TRAF3IP2: variants seen among roughly 807,000 people sequenced by gnomAD.
TRAF3IP2 encodes the protein E3 ubiquitin ligase TRAF3IP2.
In TRAF3IP2, 35 loss-of-function variants were observed where a neutral mutation model predicts 57.9. The observed-to-expected ratio is 0.60, with a 90% CI of 0.46 to 0.80. TRAF3IP2 has a LOEUF of 0.80. Among genes scored for constraint, TRAF3IP2 ranks in the 30% least tolerant of loss-of-function variants. TRAF3IP2 has a pLI of 0.00. For missense variants in TRAF3IP2, 556 were observed against 706.4 expected (o/e 0.79, Z 2.41); for synonymous variants, 251 against 268.9 (o/e 0.93, Z 0.65).
At chr6:111,562,826 C>T (rs1795495529) in intron 8 of TRAF3IP2, 139 bp downstream of exon 8, 1 of 648,272 alleles carries the variant, frequency 1.5e-6, no homozygotes, top group African/African-American at 1.9e-5. Context: ...GGCTGGGCAA[C>T]ACAGCGAGAC....
chr6:111,574,080 T>C (rs569553774), intron 4 of TRAF3IP2: 1 of 152,366 alleles, frequency 6.6e-6, no homozygotes, highest in Middle Eastern at 3.4e-3. Flanking sequence ...GATCTATAGA[T>C]TGATATCAGG....
At chr6:111,584,514 G>C (rs950265939) in intron 2 of TRAF3IP2, among the ~76,000 whole-genome samples, 1 of 152,014 alleles carries the variant, frequency 6.6e-6, no homozygotes, top group African/African-American at 2.4e-5. Context: ...TATGGAAAAG[G>C]TTCCTAAATA....
intron 3 of TRAF3IP2, among the ~76,000 whole-genome samples, chr6:111,577,774 C>T (rs1165058412): frequency 6.6e-6 from 1 of 152,034 alleles, no homozygotes; most frequent in Non-Finnish European, 1.5e-5. Context: ...TGCAGTGGCA[C>T]AATCACGGCT....
At chr6:111,567,752 C>T in intron 5 of TRAF3IP2, 60 bp from the exon 6 acceptor site, 1 of 1,374,748 alleles carries the variant, frequency 7.3e-7, no homozygotes, top group Non-Finnish European at 1.0e-6. Flanking sequence ...AGATGCAGAG[C>T]AGAAGAAAAC....
At chr6:111,563,114 G>T in intron 7 of TRAF3IP2, 75 bp from the exon 8 acceptor site, 1 of 1,076,444 alleles carries the variant, frequency 9.3e-7, no homozygotes, top group Non-Finnish European at 1.4e-6. Context: ...AATCATGCAC[G>T]TCCACATGGC....
chr6:111,602,305 G>T (rs1048961449), intron 1 of TRAF3IP2: 1 of 142,924 alleles, frequency 7.0e-6, no homozygotes, highest in South Asian at 2.2e-4. Flanking sequence ...ACCAGCCCAT[G>T]TTTTTTTTTT....
chr6:111,591,837 G>A lies in TRAF3IP2; in HGVS notation c.250C>T (p.Arg84Cys), dbSNP rs376682410. The A allele has an allele frequency of 1.9e-5, 31 of 1,614,232 alleles. No homozygotes were observed. The highest frequency in any genetic ancestry group is 1.6e-4 in the Middle Eastern group (1 of 6,062). Residue 84 changes from arginine to cysteine, a missense_variant, in exon 2 of 9, where the codon CGC becomes TGC. By Grantham distance (180) the Arg-to-Cys change is radical (BLOSUM62 -3). This residue lies in a region of TRAF3IP2 where 428 missense variants were observed against 498.7 expected (regional missense o/e 0.86). Transcript: ENST00000368761. This position sits in a 1 kb window ranked among gnomAD's most constrained non-coding sequence, Gnocchi z 4.9. Reference sequence around the variant, plus strand: ...TCACTGTCCTCCAGAACTTGAGTGCGCAGGCAGGTGACCTGCCGGGATACA... The same window carrying A: ...TCACTGTCCTCCAGAACTTGAGTGCACAGGCAGGTGACCTGCCGGGATACA... ...RPVSRQVTCL[R>C]TQVLEDSEDS... is the part of the protein sequence containing the mutation.
At chr6:111,601,282 C>T in intron 1 of TRAF3IP2, 1 of 736,566 alleles carries the variant, frequency 1.4e-6, no homozygotes. Context: ...TTCCTTCACG[C>T]CATCACAAGA....
At chr6:111,596,696 C>A (rs1025048168) in intron 1 of TRAF3IP2, among the ~76,000 whole-genome samples, 1 of 152,168 alleles carries the variant, frequency 6.6e-6, no homozygotes, top group South Asian at 2.1e-4. Context: ...TCAGGTGATC[C>A]GCCCGCTTCG....
chr6:111,566,486 G>C lies in TRAF3IP2; in HGVS notation c.1434C>G (p.Asp478Glu), dbSNP rs144166946. 1 of 1,614,138 alleles carries C rather than the reference G, an allele frequency of 6.2e-7. No individual in the cohort carries two copies. The highest frequency in any genetic ancestry group is 8.5e-7 in the Non-Finnish European group (1 of 1,180,016). Residue 478 changes from aspartate to glutamate, a missense_variant, in exon 7 of 9, where the codon GAC becomes GAG. Physicochemically the swap from Asp to Glu is conservative, Grantham distance 45 (BLOSUM62 2). Coordinates refer to ENST00000368761, the MANE Select transcript of TRAF3IP2 (RefSeq NM_147686.4). ...QDVEGAESQL[D>E]EDEHGLHTKY... ...TAGTATGTAAGCCATGCTCATCCTC[G>C]TCCAGCTGCGACTCAGCGCCTTCCA... is the stretch of plus-strand genomic sequence containing the variant.
intron 8 of TRAF3IP2, among the ~76,000 whole-genome samples, chr6:111,561,375 G>A (rs964805425): frequency 1.9e-4 from 29 of 151,524 alleles, no homozygotes; most frequent in African/African-American, 6.6e-4. Context: ...TGGAGGCAGA[G>A]GTTGCAGTGA....
chr6:111,587,154 C>A (rs918813168), intron 2 of TRAF3IP2: 9 of 152,150 alleles, frequency 5.9e-5, no homozygotes, highest in Non-Finnish European at 1.0e-4. Context: ...GCGAGCTTGC[C>A]TTCTATATGT....
Position 111,557,016 on chromosome 6 carries a change from A to G in TRAF3IP2, c.*2389T>C, listed in dbSNP as rs1279713667. The G allele has an allele frequency of 6.6e-6, 1 of 152,188 alleles. No individual in the cohort carries two copies. Among genetic ancestry groups the G allele is most frequent in the African/African-American group, 2.4e-5 (1 of 41,448 alleles). The allele number at this position is 152,188 out of a possible 1,614,324, so 9.4% of individuals were successfully genotyped here. On this transcript the variant is annotated 3_prime_UTR_variant, in exon 9 of 9. Transcript: ENST00000368761. The stretch of plus-strand genomic sequence containing the variant: ...TTGGTGCACACCTATAGTCCCTGCT[A>G]CTTGGGAGGCTGAAGTGTAAGGGTC...
chr6:111,595,976 C>A (rs887009972), intron 1 of TRAF3IP2, among the ~76,000 whole-genome samples: 5 of 152,140 alleles, frequency 3.3e-5, no homozygotes, highest in Admixed American at 6.5e-5. Flanking sequence ...GACCGGCGTC[C>A]CAGGGCCTTC....
At chr6:111,590,183 A>G (rs899965334) in intron 2 of TRAF3IP2, among the ~76,000 whole-genome samples, 5 of 152,362 alleles carry the variant, frequency 3.3e-5, no homozygotes, top group Non-Finnish European at 7.3e-5. Context: ...TTTCGGAAGT[A>G]GTTTATTGAG....
intron 1 of TRAF3IP2, among the ~76,000 whole-genome samples, chr6:111,603,112 A>AC (rs1562440348): frequency 2.0e-5 from 3 of 146,362 alleles, no homozygotes; most frequent in African/African-American, 7.6e-5. Context: ...ACACACACAC[A>AC]AGGCGTGCAC....
At chr6:111,559,627 A>T (rs1427786018) in intron 8 of TRAF3IP2, 76 bp from the exon 9 acceptor site, 1 of 1,540,598 alleles carries the variant, frequency 6.5e-7, no homozygotes, top group African/African-American at 1.4e-5. Context: ...TCAGTTCCCA[A>T]ACATTTCTGG....
rs112518943 is a variant in TRAF3IP2 at position 111,604,225 on chromosome 6, A to AT, written c.-9+1550dup. On this transcript the variant is annotated intron_variant, in intron 1 of 8. Transcript: ENST00000368761. ...TAATTGCCAAAAAGAAACAATGACA[A>AT]TTTTTTTTTAAGTCACGGTCTGGAA... 8.3e-3 allele frequency among the ~76,000 whole-genome samples: 1,256 copies of AT among 151,900 alleles called. 6 individuals are homozygous for AT. Among genetic ancestry groups the AT allele is most frequent in the African/African-American group, 0.018 (749 of 41,436 alleles).
In TRAF3IP2 at chr6:111,557,619, A is replaced by C. The variant is rs1430978436; in HGVS notation, c.*1786T>G. The C allele has an allele frequency of 6.6e-6, 1 of 151,398 alleles. No individual in the cohort carries two copies. Among genetic ancestry groups the C allele is most frequent in the Non-Finnish European group, 1.5e-5 (1 of 67,900 alleles). 9.4% of individuals were successfully genotyped at this position (151,398 alleles called of 1,614,324 possible). On this transcript the variant is annotated 3_prime_UTR_variant, in exon 9 of 9. Coordinates refer to ENST00000368761, the MANE Select transcript of TRAF3IP2 (RefSeq NM_147686.4). ...TATTTTTTTTGTATTTTTAGTAGAG[A>C]TGGAGTTTCACCGTGTTAGCCAGGA... is the stretch of plus-strand genomic sequence containing the variant.
Sources: gnomAD v4.1 joint callset for allele counts (sites outside exome capture counted in the v4.1 genomes callset) on GRCh38, gnomAD v4.1.1 for gene constraint, gnomAD v4.1.1 regional missense constraint, Gnocchi (gnomAD v3.1) non-coding constraint, MANE v1.5 for transcripts, NCBI Gene and HGNC (gene_info 2026-07-23, HGNC 2026-07-21) for gene names.